The following FOLH1 variants were observed in gnomAD, a reference collection of about 807,000 sequenced individuals.
FOLH1 encodes glutamate carboxypeptidase 2.
Under a neutral mutation model 93.9 loss-of-function variants are expected in FOLH1, and 54 were observed. The ratio of observed to expected loss-of-function variants is 0.57; its 90% CI spans 0.46 to 0.72. The LOEUF (loss-of-function observed/expected upper bound fraction) is 0.72. Ranked by LOEUF, FOLH1 falls within the 30% of genes least tolerant of loss-of-function variation. FOLH1 has a pLI of 0.00. For missense variants in FOLH1, 571 were observed against 892.5 expected (o/e 0.64, Z 4.59); for synonymous variants, 249 against 303.6 (o/e 0.82, Z 1.87).
intron 18 of FOLH1, among the ~76,000 whole-genome samples, chr11:49,148,211 A>G (rs1372786075): frequency 6.6e-6 from 1 of 151,128 alleles, no homozygotes. Context: ...AGAATAAATA[A>G]ATATATATTT....
At position 49,173,823 on chromosome 11, in the gene FOLH1, G is replaced by T. The variant is rs187166360; in HGVS notation, c.1106-347C>A. Reference sequence around the variant, plus strand: ...ACTTTCTAATATATTCAAAGTAAGAGAACATAGTGGCCACATAGGAAGTTC... The same window carrying T: ...ACTTTCTAATATATTCAAAGTAAGATAACATAGTGGCCACATAGGAAGTTC... On this transcript the variant is annotated intron_variant, in intron 9 of 18. Transcript: ENST00000256999. Among the ~76,000 whole-genome samples the T allele has an allele frequency of 3.6e-3, 553 of 152,196 alleles. 4 individuals carry two copies. The highest frequency in any genetic ancestry group is 4.3e-3 in the Non-Finnish European group (291 of 67,980).
rs1383807768 is a variant in FOLH1 at position 49,206,167 on chromosome 11, A to G, written c.124T>C (p.Phe42Leu). The G allele has an allele frequency of 2.5e-6, 4 of 1,611,382 alleles. No homozygotes were observed. The highest frequency in any genetic ancestry group is 1.1e-5 in the South Asian group (1 of 90,756). Residue 42 changes from phenylalanine (F) to leucine (L), a missense_variant, in exon 2 of 19, where the codon TTT becomes CTT. By Grantham distance (22) the Phe-to-Leu change is conservative (BLOSUM62 0). Transcript: ENST00000256999. ...GTAGCTTCATTGGAGGATTTTATAA[A>G]CCACCCTGAAAAATACATCCAAAAA... ...FFLLGFLFGW[F>L]IKSSNEATNI... is the part of the protein sequence containing the mutation.
At chr11:49,186,498 G>A in intron 5 of FOLH1, 146 bp downstream of exon 5, 1 of 960,316 alleles carries the variant, frequency 1.0e-6, no homozygotes, top group Non-Finnish European at 1.5e-6. Flanking sequence ...CCTAGTAAAT[G>A]TGTCCTCTCT....
In FOLH1 at chr11:49,149,400, A is replaced by G. The variant is rs1355193977; in HGVS notation, c.1971-669T>C. Among the ~76,000 whole-genome samples the G allele has an allele frequency of 2.0e-5, 3 of 152,142 alleles. No individual in the cohort carries two copies. The East Asian group carries it at 5.8e-4, about 29-fold the overall frequency. On this transcript the variant is annotated intron_variant, in intron 17 of 18. Transcript: ENST00000256999. ...CTGTGTATGTGGAATCTGAAGCCAC[A>G]TCTGATCTCCCTTGGGTTAGCTGCC...
intron 7 of FOLH1, among the ~76,000 whole-genome samples, chr11:49,181,107 ATTTTT>A: frequency 7.5e-6 from 1 of 133,300 alleles, no homozygotes; most frequent in Admixed American, 7.8e-5. Flanking sequence ...CATGTTTTAA[ATTTTT>A]TTTTTTTTTT....
chr11:49,166,927 T>C (rs1324785608), intron 12 of FOLH1, among the ~76,000 whole-genome samples: 2 of 152,000 alleles, frequency 1.3e-5, no homozygotes, highest in Non-Finnish European at 2.9e-5. Flanking sequence ...CACACACCTG[T>C]TTTCCCAGCT....
chr11:49,198,376 G>A (rs1204543683), intron 3 of FOLH1, among the ~76,000 whole-genome samples: 2 of 151,872 alleles, frequency 1.3e-5, no homozygotes, highest in African/African-American at 4.8e-5. Context: ...CAGCTACTAG[G>A]GAGGCTGAGA....
chr11:49,147,027 T>C, intron 18 of FOLH1, 82 bp from the exon 19 acceptor site: 2 of 1,469,628 alleles, frequency 1.4e-6, no homozygotes, highest in Non-Finnish European at 9.2e-7. Flanking sequence ...AATTCCTGGA[T>C]TGCATATTCC....
At chr11:49,192,738 T>G (rs767064926) in intron 4 of FOLH1, 55 bp downstream of exon 4, 1 of 1,456,474 alleles carries the variant, frequency 6.9e-7, no homozygotes. Context: ...GCTGAACATA[T>G]GAAGAGAAGG....
At chr11:49,181,488 T>C (rs1040556765) in intron 7 of FOLH1, among the ~76,000 whole-genome samples, 3 of 152,052 alleles carry the variant, frequency 2.0e-5, no homozygotes, top group Admixed American at 6.6e-5. Flanking sequence ...CACTTAATAA[T>C]ATAAGCATTT....
At position 49,173,748 on chromosome 11, in the gene FOLH1, T is replaced by A. The variant is rs190245952; in HGVS notation, c.1106-272A>T. Among the ~76,000 whole-genome samples, 9 of 133,450 alleles carry A rather than the reference T, an allele frequency of 6.7e-5. 1 individual carries two copies. The East Asian group carries it at 2.0e-3, about 30-fold the overall frequency. The allele number at this position is 133,450 out of a possible 152,430, so 87.5% of individuals were successfully genotyped here. The stretch of plus-strand genomic sequence containing the variant: ...AAGTAATTAAGAAAGTTTAAGGTTA[T>A]CCTTGTTCACATTTTTTGTAACTCT... On this transcript the variant is annotated intron_variant, in intron 9 of 18. Coordinates refer to ENST00000256999, the MANE Select transcript of FOLH1 (RefSeq NM_004476.3).
intron 13 of FOLH1, among the ~76,000 whole-genome samples, chr11:49,161,818 G>T (rs1329147660): frequency 6.6e-6 from 1 of 152,154 alleles, no homozygotes; most frequent in Non-Finnish European, 1.5e-5. Flanking sequence ...AGACAGGTCT[G>T]GTGGTAACAA....
At chr11:49,147,397 A>G (rs2134818935) in intron 18 of FOLH1, among the ~76,000 whole-genome samples, 1 of 152,222 alleles carries the variant, frequency 6.6e-6, no homozygotes. Context: ...ATTATAGCAC[A>G]ATTGTAATCA....
At chr11:49,204,310 C>G (rs942443094) in intron 2 of FOLH1, among the ~76,000 whole-genome samples, 1 of 152,218 alleles carries the variant, frequency 6.6e-6, no homozygotes, top group African/African-American at 2.4e-5. Flanking sequence ...AACTTCCATT[C>G]CTGCTCTGAA....
At chr11:49,205,738 G>C (rs913818476) in intron 2 of FOLH1, among the ~76,000 whole-genome samples, 1 of 152,162 alleles carries the variant, frequency 6.6e-6, no homozygotes, top group African/African-American at 2.4e-5. Flanking sequence ...GTGCCCATAA[G>C]GAAAGTTTTA....
chr11:49,157,135 G>C (rs551648485), intron 14 of FOLH1, among the ~76,000 whole-genome samples: 1 of 151,880 alleles, frequency 6.6e-6, no homozygotes, highest in Non-Finnish European at 1.5e-5. Flanking sequence ...ATATTTTTCA[G>C]ATAATTTGGA....
intron 7 of FOLH1, among the ~76,000 whole-genome samples, chr11:49,177,801 A>AG (rs1187775682): frequency 2.0e-5 from 3 of 151,100 alleles, no homozygotes; most frequent in Non-Finnish European, 4.4e-5. Context: ...AAAAAAAAAA[A>AG]AAAGGCAAAA....
intron 18 of FOLH1, among the ~76,000 whole-genome samples, chr11:49,147,393 G>A (rs1409297520): frequency 6.6e-6 from 1 of 151,850 alleles, no homozygotes; most frequent in East Asian, 1.9e-4. Context: ...CTATATTATA[G>A]CACAATTGTA....
At chr11:49,164,662 T>C (rs760569153) in intron 13 of FOLH1, 43 bp downstream of exon 13, 6 of 1,346,194 alleles carry the variant, frequency 4.5e-6, no homozygotes, top group East Asian at 2.4e-5. Flanking sequence ...GAAAACATCA[T>C]TTGTAGAATT....
Sources: allele counts gnomAD v4.1 joint callset (sites outside exome capture counted in the v4.1 genomes callset), GRCh38; gene constraint gnomAD v4.1.1; transcripts MANE v1.5; gene names NCBI Gene and HGNC (gene_info 2026-07-23, HGNC 2026-07-21).